The following ADAMTSL1 variants were observed in gnomAD, a reference collection of about 807,000 sequenced individuals.
The protein encoded by ADAMTSL1 is ADAMTS like 1, also known as ADAMTS-like protein 1.
ADAMTSL1 carries 126 observed loss-of-function variants against 201.8 expected under a neutral mutation model. That is an observed-to-expected ratio of 0.62 (90% CI 0.54 to 0.72). The LOEUF is 0.72. Among genes scored for constraint, ADAMTSL1 ranks in the 30% least tolerant of loss-of-function variants. The probability of loss-of-function intolerance (pLI) is 0.00; values close to 1 mark genes in which losing one functional copy is unlikely to be tolerated. For synonymous variants in ADAMTSL1, 1,121 were observed against 903.4 expected (o/e 1.24, Z -4.32); for missense variants, 2,679 against 2,277.8 (o/e 1.18, Z -3.59).
intron 2 of ADAMTSL1, among the ~76,000 whole-genome samples, chr9:18,236,227 C>G (rs1015955660): frequency 6.6e-6 from 1 of 152,110 alleles, no homozygotes; most frequent in Non-Finnish European, 1.5e-5. Context: ...CCCACCACCA[C>G]GCCCGACTAA....
chr9:18,185,278 G>T (rs1023563387), intron 2 of ADAMTSL1, among the ~76,000 whole-genome samples: 3 of 152,200 alleles, frequency 2.0e-5, no homozygotes, highest in Admixed American at 1.3e-4. Flanking sequence ...TGAGAGTCTT[G>T]CTCTCCTTCC....
At chr9:18,773,418 G>T (rs1198939392) in intron 17 of ADAMTSL1, among the ~76,000 whole-genome samples, 1 of 152,042 alleles carries the variant, frequency 6.6e-6, no homozygotes, top group Admixed American at 6.5e-5. Flanking sequence ...CTAAAAGAAA[G>T]AATAATTTTA....
At chr9:18,072,940 G>T (rs1247412621) in intron 1 of ADAMTSL1, among the ~76,000 whole-genome samples, 1 of 152,184 alleles carries the variant, frequency 6.6e-6, no homozygotes, top group Non-Finnish European at 1.5e-5. Flanking sequence ...TTAGGGGAAG[G>T]ATTAAGAATT....
At chr9:17,964,260 C>G (rs896041207) in intron 1 of ADAMTSL1, among the ~76,000 whole-genome samples, 5 of 152,260 alleles carry the variant, frequency 3.3e-5, no homozygotes, top group African/African-American at 1.2e-4. Context: ...TGCTCATAAG[C>G]TATGTCATTC....
chr9:18,589,690 A>C (rs1034203019), intron 4 of ADAMTSL1, among the ~76,000 whole-genome samples: 3 of 152,128 alleles, frequency 2.0e-5, no homozygotes, highest in African/African-American at 4.8e-5. Flanking sequence ...TCTGTTCAGT[A>C]TGTTAGCTGT....
intron 2 of ADAMTSL1, among the ~76,000 whole-genome samples, chr9:18,303,478 G>T (rs1010868428): frequency 3.9e-5 from 6 of 152,170 alleles, no homozygotes; most frequent in African/African-American, 1.2e-4. Flanking sequence ...GGCAGTGATG[G>T]TTCACTCCAC....
intron 1 of ADAMTSL1, among the ~76,000 whole-genome samples, chr9:18,001,016 T>C (rs758342828): frequency 6.6e-6 from 1 of 151,922 alleles, no homozygotes; most frequent in South Asian, 2.1e-4. Context: ...CTGTATCCAG[T>C]TGGGGGAAGT....
At chr9:18,440,727 G>A (rs1819960173) in intron 2 of ADAMTSL1, among the ~76,000 whole-genome samples, 1 of 151,628 alleles carries the variant, frequency 6.6e-6, no homozygotes, top group Non-Finnish European at 1.5e-5. Context: ...CATATTTAAG[G>A]GCCATTTACT....
At chr9:17,969,962 A>G (rs1818141216) in intron 1 of ADAMTSL1, among the ~76,000 whole-genome samples, 1 of 152,122 alleles carries the variant, frequency 6.6e-6, no homozygotes, top group African/African-American at 2.4e-5. Context: ...ATAAAATAAA[A>G]GTTGAGGATA....
At chr9:18,545,639 C>T (rs1212145586) in intron 3 of ADAMTSL1, among the ~76,000 whole-genome samples, 1 of 152,118 alleles carries the variant, frequency 6.6e-6, no homozygotes, top group East Asian at 1.9e-4. Context: ...AGCGTCTCTG[C>T]CTGTCAAGAG....
At chr9:17,943,458 C>T (rs1162764854) in intron 1 of ADAMTSL1, among the ~76,000 whole-genome samples, 2 of 152,056 alleles carry the variant, frequency 1.3e-5, no homozygotes, top group African/African-American at 4.8e-5. Context: ...TTTTTCTTGA[C>T]TTCCTAAATA....
intron 2 of ADAMTSL1, among the ~76,000 whole-genome samples, chr9:18,296,683 C>T (rs1204133912): frequency 6.6e-6 from 1 of 152,054 alleles, no homozygotes; most frequent in Non-Finnish European, 1.5e-5. Context: ...GAGTTTAGTT[C>T]CTATGTATTT....
intron 1 of ADAMTSL1, among the ~76,000 whole-genome samples, chr9:17,959,836 G>A (rs1341763721): frequency 1.3e-5 from 2 of 152,108 alleles, no homozygotes; most frequent in African/African-American, 2.4e-5. Context: ...GACTTACTCA[G>A]TTTGATTTTC....
intron 1 of ADAMTSL1, among the ~76,000 whole-genome samples, chr9:17,992,889 C>T (rs1308842163): frequency 6.6e-6 from 1 of 152,146 alleles, no homozygotes; most frequent in Non-Finnish European, 1.5e-5. Context: ...ACTCATGCTG[C>T]TATTCCAGCA....
Position 18,504,915 on chromosome 9 carries a change from G to A in ADAMTSL1, c.150G>A (p.Gly50=). The change falls in exon 2 of 29, where the codon GGG becomes GGA. Residue 50 remains glycine, a synonymous_variant. Transcript: ENST00000380548. ...GGAGTGAATGCTCACGCACCTGCGGGGGTGGGGCCTCCTACTCTCTGAGGC... is the reference window on the plus strand; with the variant it reads ...GGAGTGAATGCTCACGCACCTGCGGAGGTGGGGCCTCCTACTCTCTGAGGC... ...GPWSECSRTC[G]GGASYSLRRC... The A allele has an allele frequency of 6.2e-7, 1 of 1,612,682 alleles. No homozygotes were observed.
intron 4 of ADAMTSL1, among the ~76,000 whole-genome samples, chr9:18,609,690 G>C (rs924729809): frequency 6.6e-6 from 1 of 152,036 alleles, no homozygotes. Flanking sequence ...GAAAATACCT[G>C]CTATTTGCAC....
intron 16 of ADAMTSL1, among the ~76,000 whole-genome samples, chr9:18,764,230 A>G (rs1401592374): frequency 6.6e-6 from 1 of 152,128 alleles, no homozygotes; most frequent in Non-Finnish European, 1.5e-5. Flanking sequence ...AATTCCTAGT[A>G]TTTAAATTTT....
chr9:18,649,934 A>T (rs1007770779), intron 7 of ADAMTSL1, among the ~76,000 whole-genome samples: 1 of 152,034 alleles, frequency 6.6e-6, no homozygotes, highest in African/African-American at 2.4e-5. Flanking sequence ...TCAGACAGGG[A>T]CATTTAAGTC....
intron 2 of ADAMTSL1, among the ~76,000 whole-genome samples, chr9:18,211,045 G>A (rs1426389239): frequency 6.6e-6 from 1 of 151,954 alleles, no homozygotes; most frequent in Non-Finnish European, 1.5e-5. Flanking sequence ...TATTTAGGAT[G>A]AGCCACAGCT....
Sources: allele counts gnomAD v4.1 joint callset (sites outside exome capture counted in the v4.1 genomes callset), GRCh38; gene constraint gnomAD v4.1.1; transcripts MANE v1.5; gene names NCBI Gene and HGNC (gene_info 2026-07-23, HGNC 2026-07-21).